Variants in NTRK1 observed in about 807,000 individuals in gnomAD.
The protein encoded by NTRK1 is neurotrophic receptor tyrosine kinase 1.
A neutral mutation model predicts 86.8 loss-of-function variants in NTRK1; 62 were observed. That is an observed-to-expected ratio of 0.71 (90% CI 0.58 to 0.88). The LOEUF (loss-of-function observed/expected upper bound fraction) is 0.88, where lower values mean the gene tolerates loss of function less well. Ranked by LOEUF, NTRK1 falls within the 40% of genes least tolerant of loss-of-function variation. The pLI is 0.00. For synonymous variants in NTRK1, 469 were observed against 456.6 expected, an observed-to-expected ratio of 1.03 and a Z score of -0.35; for missense variants, 967 against 1,078.4, an observed-to-expected ratio of 0.90 and a Z score of 1.45.
chr1:156,851,191 A>G, intron 2 of NTRK1: 1 of 1,375,316 alleles, frequency 7.3e-7, no homozygotes, highest in South Asian at 1.2e-5. Flanking sequence ...CCTAGTGAGT[A>G]GCAAAATTGG....
intron 1 of NTRK1, among the ~76,000 whole-genome samples, chr1:156,826,576 A>T (rs1237757746): frequency 1.3e-5 from 2 of 152,114 alleles, no homozygotes; most frequent in East Asian, 3.9e-4. Context: ...GGCATGAGCC[A>T]CTGTGCCCGG....
chr1:156,819,168 T>C (rs960539280), intron 1 of NTRK1, among the ~76,000 whole-genome samples: 2 of 152,140 alleles, frequency 1.3e-5, no homozygotes, highest in African/African-American at 4.8e-5. Flanking sequence ...CATGCCTGGC[T>C]AATTTTTGTA....
Position 156,816,057 on chromosome 1 carries a change from G to A in NTRK1, c.-64+219G>A, listed in dbSNP as rs762721468. 4.4e-5 allele frequency: 71 copies of A among 1,614,080 alleles called. 1 individual carries two copies. Among genetic ancestry groups the A allele is most frequent in the Non-Finnish European group, 6.0e-5 (71 of 1,179,966 alleles). On this transcript the variant is annotated intron_variant, in intron 1 of 16. Coordinates refer to the NTRK1 transcript ENST00000392302. ...TCCTGCGGGTCATGTCTGTGATCTG[G>A]AAGGTGCTGAAGGTTGGGATGGGGG...
intron 6 of NTRK1, 79 bp downstream of exon 6, chr1:156,868,726 T>C (rs1333438780): frequency 5.2e-6 from 8 of 1,526,884 alleles, no homozygotes; most frequent in Non-Finnish European, 7.1e-6. Flanking sequence ...AGAGACACAC[T>C]GTGGAGGAAA....
In NTRK1 at chr1:156,842,071, TACTTTTCA is replaced by T. The variant is rs1486415390; in HGVS notation, c.-63-9_-63-2del. 4 of 1,612,004 alleles carry T rather than the reference TACTTTTCA, an allele frequency of 2.5e-6. No homozygotes were observed. In the Admixed American group the frequency reaches 6.7e-5, roughly 27 times the overall value. ...GATGCCTAGCTTAAGGGAGTCTCTC[TACTTTTCA>T]GGCCGCCCTCATCTGCCTGGCACCC... On this transcript the variant is annotated splice_acceptor_variant and splice_polypyrimidine_tract_variant and intron_variant, in intron 1 of 16. Coordinates refer to the NTRK1 transcript ENST00000392302. LOFTEE classifies it low-confidence loss of function (5UTR_SPLICE).
chr1:156,820,406 A>G (rs921063855), intron 1 of NTRK1, among the ~76,000 whole-genome samples: 5 of 152,032 alleles, frequency 3.3e-5, no homozygotes, highest in African/African-American at 1.2e-4. Flanking sequence ...GCCACCACAC[A>G]TGGCTAATTT....
upstream of NTRK1, among the ~76,000 whole-genome samples, chr1:156,859,394 C>T (rs1430333873): frequency 6.6e-6 from 1 of 152,144 alleles, no homozygotes; most frequent in African/African-American, 2.4e-5. The surrounding 1 kb of genome is among the most constrained non-coding windows in gnomAD (Gnocchi z 6.2). Flanking sequence ...TGGGGCTGCA[C>T]CGCCGGAGGG....
chr1:156,862,297 A>G (rs879385351), intron 1 of NTRK1, among the ~76,000 whole-genome samples: 46 of 152,126 alleles, frequency 3.0e-4, no homozygotes, highest in Admixed American at 1.3e-3. Flanking sequence ...AGTAGAGGAG[A>G]TGGCCTTGTC....
intron 1 of NTRK1, 49 bp downstream of exon 1, chr1:156,861,195 C>T: frequency 1.3e-6 from 2 of 1,524,770 alleles, no homozygotes; most frequent in Non-Finnish European, 1.8e-6. Context: ...GCAGGCATTG[C>T]AGTGCCCCGA....
At chr1:156,844,452 C>A in intron 2 of NTRK1, 1 of 1,611,436 alleles carries the variant, frequency 6.2e-7, no homozygotes, top group South Asian at 1.1e-5. Flanking sequence ...GTGACAGAGG[C>A]TGTGTATACC....
chr1:156,846,645 G>T lies in NTRK1; in HGVS notation c.50+4452G>T, dbSNP rs753699478. 4 of 1,613,924 alleles carry T rather than the reference G, an allele frequency of 2.5e-6. No individual in the cohort carries two copies. In the South Asian group the frequency reaches 4.4e-5, roughly 18 times the overall value. On this transcript the variant is annotated intron_variant, in intron 2 of 16. Coordinates refer to the NTRK1 transcript ENST00000392302. ...TGTGTCCAAGGCTTGAGGGAGGCTAGGGTCACCCCTGGCTCCTGGGTGCGG... is the reference window on the plus strand; with the variant it reads ...TGTGTCCAAGGCTTGAGGGAGGCTATGGTCACCCCTGGCTCCTGGGTGCGG...
At chr1:156,879,621 AT>A (rs930759514) in intron 15 of NTRK1, among the ~76,000 whole-genome samples, 1 of 151,860 alleles carries the variant, frequency 6.6e-6, no homozygotes, top group Admixed American at 6.6e-5. Context: ...TATTTAATTT[AT>A]TTTTTTGAGA....
intron 2 of NTRK1, chr1:156,846,155 G>A (rs779940968): frequency 1.3e-6 from 2 of 1,540,866 alleles, no homozygotes; most frequent in East Asian, 2.3e-5. Context: ...CAGGGGTGTG[G>A]GTCTTCCTCC....
chr1:156,834,071 G>T (rs567490874), intron 1 of NTRK1, among the ~76,000 whole-genome samples: 3 of 152,128 alleles, frequency 2.0e-5, no homozygotes, highest in African/African-American at 7.2e-5. Context: ...TTATCTCTCT[G>T]TGGAAATACC....
At chr1:156,835,178 T>C (rs1016286027) in intron 1 of NTRK1, among the ~76,000 whole-genome samples, 9 of 152,186 alleles carry the variant, frequency 5.9e-5, no homozygotes, top group Non-Finnish European at 1.2e-4. Flanking sequence ...GAGAAGTGTC[T>C]GCTTTTCTCT....
intron 6 of NTRK1, 63 bp from the exon 7 acceptor site, chr1:156,871,560 T>C: frequency 6.3e-7 from 1 of 1,596,000 alleles, no homozygotes; most frequent in South Asian, 1.1e-5. Flanking sequence ...CTCCAAAGAC[T>C]TCAGCCCCAG....
At chr1:156,844,820 T>C in intron 2 of NTRK1, 3 of 1,614,076 alleles carry the variant, frequency 1.9e-6, no homozygotes, top group Non-Finnish European at 2.5e-6. Context: ...CAGGCCACCT[T>C]TCCTGGAATA....
intron 1 of NTRK1, among the ~76,000 whole-genome samples, chr1:156,822,249 G>A (rs981172564): frequency 6.6e-6 from 1 of 152,180 alleles, no homozygotes; most frequent in Non-Finnish European, 1.5e-5. Context: ...GACATTCCTA[G>A]TTTCTTACTT....
In NTRK1 at chr1:156,851,704, C is replaced by A. The variant is rs1256043529; in HGVS notation, c.50+9511C>A. 6.8e-6 allele frequency: 11 copies of A among 1,614,098 alleles called. No homozygotes were observed. Among genetic ancestry groups the A allele is most frequent in the Non-Finnish European group, 9.3e-6 (11 of 1,180,028 alleles). On this transcript the variant is annotated intron_variant, in intron 2 of 16. Transcript: ENST00000392302. ...CCACATGCGTGCAGCCCACAAGATCCTGTGCCGCCTGGATGGAGTCGATGG... is the reference window on the plus strand; with the variant it reads ...CCACATGCGTGCAGCCCACAAGATCATGTGCCGCCTGGATGGAGTCGATGG...
Sources: gnomAD v4.1 joint callset for allele counts (sites outside exome capture counted in the v4.1 genomes callset) on GRCh38, gnomAD v4.1.1 for gene constraint, Gnocchi (gnomAD v3.1) non-coding constraint, MANE v1.5 for transcripts, NCBI Gene and HGNC (gene_info 2026-07-23, HGNC 2026-07-21) for gene names.